Variants in FLNB observed in about 807,000 individuals in gnomAD.
The protein encoded by FLNB is filamin B.
FLNB carries 111 observed loss-of-function variants against 250.6 expected under a neutral mutation model. The observed-to-expected ratio is 0.44, with a 90% CI of 0.38 to 0.52. The LOEUF (loss-of-function observed/expected upper bound fraction) is 0.52, where lower values mean the gene tolerates loss of function less well. Ranked by LOEUF, FLNB falls within the 20% of genes least tolerant of loss-of-function variation. The probability of loss-of-function intolerance (pLI) is 0.00; values close to 1 mark genes in which losing one functional copy is unlikely to be tolerated. For missense variants in FLNB, 2,869 were observed against 3,447.8 expected (o/e 0.83, Z 4.20); for synonymous variants, 1,302 against 1,372.1 (o/e 0.95, Z 1.13).
At chr3:58,084,576 A>G (rs62259289) in intron 4 of FLNB, among the ~76,000 whole-genome samples, 1 of 151,656 alleles carries the variant, frequency 6.6e-6, no homozygotes. Flanking sequence ...TTTTTTTTAT[A>G]TGTGTGCTTT....
intron 1 of FLNB, among the ~76,000 whole-genome samples, chr3:58,041,700 G>GT (rs1360272551): frequency 6.6e-6 from 1 of 152,190 alleles, no homozygotes; most frequent in Admixed American, 6.5e-5. Context: ...TTGACCCAGG[G>GT]TAAAGCAGTT....
At chr3:58,074,986 T>TTC (rs1403155636) in intron 1 of FLNB, among the ~76,000 whole-genome samples, 1 of 152,182 alleles carries the variant, frequency 6.6e-6, no homozygotes, top group Non-Finnish European at 1.5e-5. Flanking sequence ...TTCTGATGAT[T>TTC]TCTCTCTGAT....
At chr3:58,031,905 A>T (rs2097131646) in intron 1 of FLNB, among the ~76,000 whole-genome samples, 1 of 151,544 alleles carries the variant, frequency 6.6e-6, no homozygotes, top group Non-Finnish European at 1.5e-5. Flanking sequence ...GGAAGAGAAA[A>T]AAAAATACCT....
rs372188054 is a variant in FLNB at position 58,123,423 on chromosome 3, C to T, written c.3457C>T (p.Leu1153Phe). ...LEHGKVGEAG[L>F]LSVDCSEAGP... Reference sequence around the variant, plus strand: ...GCACGGGAAGGTGGGTGAAGCTGGCCTCCTTAGCGTCGACTGCTCGGAAGC... The same window carrying T: ...GCACGGGAAGGTGGGTGAAGCTGGCTTCCTTAGCGTCGACTGCTCGGAAGC... The change falls in exon 21 of 46, where the codon CTC (leucine) becomes TTC (phenylalanine). Residue 1153 changes from leucine to phenylalanine, a missense_variant. By Grantham distance (22) the Leu-to-Phe change is conservative (BLOSUM62 0). Transcript: ENST00000295956. The T allele has an allele frequency of 5.3e-5, 86 of 1,613,826 alleles. No homozygotes were observed. Among genetic ancestry groups the T allele is most frequent in the Non-Finnish European group, 6.9e-5 (81 of 1,179,892 alleles).
chr3:58,025,077 A>G (rs542330457), intron 1 of FLNB, among the ~76,000 whole-genome samples: 7 of 133,478 alleles, frequency 5.2e-5, no homozygotes, highest in Admixed American at 7.5e-5. Context: ...TGTCTCCTGT[A>G]ATGTCCTTCC....
chr3:58,158,731 G>A (rs191333796), intron 41 of FLNB, among the ~76,000 whole-genome samples: 10 of 152,318 alleles, frequency 6.6e-5, no homozygotes, highest in Admixed American at 6.5e-4. Flanking sequence ...CAGAAGAGGA[G>A]ATAGTTTCCA....
chr3:58,054,449 G>C (rs1360588798), intron 1 of FLNB, among the ~76,000 whole-genome samples: 2 of 152,068 alleles, frequency 1.3e-5, no homozygotes, highest in Non-Finnish European at 2.9e-5. Context: ...CCTGAGACTG[G>C]GTAATTTATA....
intron 40 of FLNB, among the ~76,000 whole-genome samples, chr3:58,155,664 G>T (rs2097352222): frequency 6.6e-6 from 1 of 152,222 alleles, no homozygotes; most frequent in African/African-American, 2.4e-5. Context: ...GTAAATTTCA[G>T]TTAGAGAATG....
At chr3:58,010,921 A>C (rs991434804) in intron 1 of FLNB, among the ~76,000 whole-genome samples, 5 of 151,330 alleles carry the variant, frequency 3.3e-5, no homozygotes, top group African/African-American at 1.2e-4. Context: ...CCTCCCCACC[A>C]CCGCCCCGCC....
At chr3:58,110,955 GA>G (rs900445773) in intron 16 of FLNB, among the ~76,000 whole-genome samples, 10 of 151,900 alleles carry the variant, frequency 6.6e-5, no homozygotes, top group Non-Finnish European at 1.5e-4. Context: ...AACCAAGAAG[GA>G]AAAAAAATTT....
chr3:58,123,814 A>C (rs2097293103), intron 21 of FLNB, 124 bp downstream of exon 21: 2 of 787,560 alleles, frequency 2.5e-6, no homozygotes, highest in Admixed American at 2.5e-5. Flanking sequence ...GGCGGTGCTC[A>C]CCTGTTCCCT....
At position 58,076,327 on chromosome 3, in the gene FLNB, T is replaced by TGCATGTATACACATACAC. The variant is rs532447057; in HGVS notation, c.293-718_293-701dup. On this transcript the variant is annotated intron_variant, in intron 1 of 45. Coordinates refer to ENST00000295956, the MANE Select transcript of FLNB (RefSeq NM_001457.4). ...CGTGAATTCAGGCAGCAAACACACA[T>TGCATGTATACACATACAC]GCATGTATACACATACACACGTGCA... Among the ~76,000 whole-genome samples, 244 of 152,264 alleles carry TGCATGTATACACATACAC rather than the reference T, an allele frequency of 1.6e-3. 4 individuals carry two copies. The highest frequency in any genetic ancestry group is 5.6e-3 in the African/African-American group (232 of 41,530).
At chr3:58,058,033 C>T (rs1380688825) in intron 1 of FLNB, among the ~76,000 whole-genome samples, 2 of 152,188 alleles carry the variant, frequency 1.3e-5, no homozygotes, top group Non-Finnish European at 2.9e-5. Context: ...AGGTGATCCG[C>T]CTGCCTTGGC....
intron 38 of FLNB, chr3:58,151,417 A>T (rs2107281436): frequency 1.5e-5 from 2 of 132,218 alleles, no homozygotes; most frequent in South Asian, 2.5e-4. Context: ...AAAAAAAAAG[A>T]GCTGTACTGA....
chr3:58,080,128 CCTA>C, intron 3 of FLNB, among the ~76,000 whole-genome samples: 1 of 152,308 alleles, frequency 6.6e-6, no homozygotes, highest in East Asian at 1.9e-4. Flanking sequence ...CGACACACAT[CCTA>C]CTTTTTATGG....
At chr3:58,084,223 G>A (rs1209989840) in intron 4 of FLNB, among the ~76,000 whole-genome samples, 2 of 150,946 alleles carry the variant, frequency 1.3e-5, no homozygotes, top group Non-Finnish European at 2.9e-5. Flanking sequence ...CTTTCTTTAA[G>A]GCATACCACA....
intron 1 of FLNB, among the ~76,000 whole-genome samples, chr3:58,027,488 G>T (rs1216352000): frequency 4.0e-5 from 6 of 151,896 alleles, no homozygotes; most frequent in Non-Finnish European, 8.8e-5. Context: ...CACCATGTTG[G>T]CCAGGCTGGC....
chr3:58,096,290 G>A, intron 6 of FLNB, 72 bp downstream of exon 6: 2 of 1,080,124 alleles, frequency 1.9e-6, no homozygotes, highest in Non-Finnish European at 2.8e-6. Context: ...CCAGGAAGAA[G>A]AGTGTTTTTC....
chr3:58,107,742 G>C (rs1217488141), intron 12 of FLNB, among the ~76,000 whole-genome samples: 1 of 152,248 alleles, frequency 6.6e-6, no homozygotes, highest in Non-Finnish European at 1.5e-5. Flanking sequence ...GGCTGACAGG[G>C]AGTTGGCCCC....
Sources: gnomAD v4.1 joint callset for allele counts (sites outside exome capture counted in the v4.1 genomes callset) on GRCh38, gnomAD v4.1.1 for gene constraint, MANE v1.5 for transcripts, NCBI Gene and HGNC (gene_info 2026-07-23, HGNC 2026-07-21) for gene names.